PPP3CA: variants seen among roughly 807,000 people sequenced by gnomAD.
PPP3CA encodes the protein CAM-PRP catalytic subunit.
Under a neutral mutation model 66.5 loss-of-function variants are expected in PPP3CA, and 14 were observed. The ratio of observed to expected loss-of-function variants is 0.21; its 90% CI spans 0.14 to 0.33. The LOEUF is 0.33. PPP3CA is among the 10% of genes least tolerant of loss of function. The pLI is 1.00. For missense variants in PPP3CA, 317 were observed against 639.5 expected (o/e 0.50, Z 5.44); for synonymous variants, 232 against 226.2 (o/e 1.03, Z -0.23).
At chr4:101,323,009 A>T (rs927422110) in intron 1 of PPP3CA, among the ~76,000 whole-genome samples, 1 of 152,218 alleles carries the variant, frequency 6.6e-6, no homozygotes, top group African/African-American at 2.4e-5. Flanking sequence ...AACAGCATTA[A>T]AATAAGTAAA....
In PPP3CA at chr4:101,053,034, A is replaced by G. The variant is rs533243514; in HGVS notation, c.1156+8053T>C. Among the ~76,000 whole-genome samples the G allele has an allele frequency of 4.6e-5, 7 of 152,204 alleles. 1 individual carries two copies. In the Middle Eastern group the frequency reaches 0.01, roughly 222 times the overall value. On this transcript the variant is annotated intron_variant, in intron 10 of 13. Coordinates refer to ENST00000394854, the MANE Select transcript of PPP3CA (RefSeq NM_000944.5). ...TTAATTCTTATTCTACTTGACTCCA[A>G]GATCAATGAAGGCAGGGACCATATG...
At chr4:101,298,035 C>T (rs1030909344) in intron 1 of PPP3CA, among the ~76,000 whole-genome samples, 5 of 152,008 alleles carry the variant, frequency 3.3e-5, no homozygotes, top group South Asian at 2.1e-4. Context: ...AATTCTCACG[C>T]GGCTTTCTCA....
At chr4:101,112,161 C>T (rs1363100182) in intron 2 of PPP3CA, among the ~76,000 whole-genome samples, 1 of 151,938 alleles carries the variant, frequency 6.6e-6, no homozygotes, top group Non-Finnish European at 1.5e-5. Flanking sequence ...CACTAACATA[C>T]AACTGAAGCA....
chr4:101,028,020 C>A (rs1726749856), intron 13 of PPP3CA, among the ~76,000 whole-genome samples: 1 of 152,106 alleles, frequency 6.6e-6, no homozygotes, highest in African/African-American at 2.4e-5. Flanking sequence ...TAGAGAATTC[C>A]CACATAAATA....
chr4:101,319,409 T>G (rs910259695), intron 1 of PPP3CA, among the ~76,000 whole-genome samples: 2 of 152,140 alleles, frequency 1.3e-5, no homozygotes, highest in African/African-American at 2.4e-5. Context: ...CTTAAGCATA[T>G]GTTTAGGATT....
At chr4:101,261,468 T>C (rs544380208) in intron 1 of PPP3CA, among the ~76,000 whole-genome samples, 105 of 152,254 alleles carry the variant, frequency 6.9e-4, no homozygotes, top group African/African-American at 2.4e-3. Context: ...TGTAACATTA[T>C]TGCTGCATAA....
intron 1 of PPP3CA, among the ~76,000 whole-genome samples, chr4:101,230,553 AAAT>A (rs1374251974): frequency 6.6e-6 from 1 of 151,490 alleles, no homozygotes; most frequent in Non-Finnish European, 1.5e-5. Flanking sequence ...CAAACAAACT[AAAT>A]AAATAAATAA....
chr4:101,109,926 T>A (rs528391533), intron 2 of PPP3CA, among the ~76,000 whole-genome samples: 1 of 152,302 alleles, frequency 6.6e-6, no homozygotes, highest in East Asian at 1.9e-4. Flanking sequence ...ATCTCAGTTA[T>A]ACAGATAATG....
chr4:101,060,998 A>T (rs1038719353), intron 10 of PPP3CA, 89 bp downstream of exon 10: 1 of 1,121,762 alleles, frequency 8.9e-7, no homozygotes, highest in Non-Finnish European at 1.3e-6. Context: ...ACATAATCCA[A>T]ATCTTAGAAA....
At chr4:101,106,668 T>C (rs989392731) in intron 3 of PPP3CA, among the ~76,000 whole-genome samples, 5 of 152,118 alleles carry the variant, frequency 3.3e-5, no homozygotes, top group Non-Finnish European at 5.9e-5. Context: ...GCTCAAGGGA[T>C]ACAAGTTGAA....
intron 2 of PPP3CA, among the ~76,000 whole-genome samples, chr4:101,137,884 CAA>C (rs34286966): frequency 2.5e-5 from 3 of 121,104 alleles, no homozygotes; most frequent in Non-Finnish European, 1.9e-5. Flanking sequence ...TGTCAGTCCA[CAA>C]AAAAAAAAAA....
chr4:101,094,375 T>C lies in PPP3CA; in HGVS notation c.643-460A>G, dbSNP rs183123547. ...CTCTATTAAACTGTGATTTAGAAGT[T>C]TGGATGGAAAACAACTCCTAGTTTT... On this transcript the variant is annotated intron_variant, in intron 5 of 13. Transcript: ENST00000394854. Among the ~76,000 whole-genome samples, 31 of 152,336 alleles carry C rather than the reference T, an allele frequency of 2.0e-4. No individual in the cohort carries two copies. The East Asian group carries it at 5.4e-3, about 26-fold the overall frequency.
In PPP3CA at chr4:101,047,911, TAGAG is replaced by T. The variant is rs542379974; in HGVS notation, c.1157-7349_1157-7346del. Among the ~76,000 whole-genome samples the T allele has an allele frequency of 6.5e-3, 989 of 152,224 alleles. 7 individuals carry two copies. The highest frequency in any genetic ancestry group is 0.034 in the Middle Eastern group (10 of 294). ...TCAACTCTTTAGTTCCTAACTGAGA[TAGAG>T]AGCACTAACATATGATAATTATTCA... On this transcript the variant is annotated intron_variant, in intron 10 of 13. Coordinates refer to ENST00000394854, the MANE Select transcript of PPP3CA (RefSeq NM_000944.5).
At position 101,106,406 on chromosome 4, in the gene PPP3CA, AAAGAAAGAAAG is replaced by A. The variant is rs1560604808; in HGVS notation, c.384+2537_384+2547del. Among the ~76,000 whole-genome samples the A allele has an allele frequency of 4.2e-4, 4 of 9,442 alleles. 1 individual carries two copies. Among genetic ancestry groups the A allele is most frequent in the African/African-American group, 1.3e-3 (4 of 2,982 alleles). 6.2% of individuals were successfully genotyped at this position (9,442 alleles called of 152,430 possible). On this transcript the variant is annotated intron_variant, in intron 3 of 13. Transcript: ENST00000394854. ...GAAAGAAAGAAAGAAAGAAAGAAAG[AAAGAAAGAAAG>A]AAAGAAAGAAAGAAAGAAAGAAAGA...
At chr4:101,208,983 A>G (rs1725221973) in intron 1 of PPP3CA, among the ~76,000 whole-genome samples, 1 of 152,214 alleles carries the variant, frequency 6.6e-6, no homozygotes, top group Non-Finnish European at 1.5e-5. Context: ...ACATAAATGG[A>G]AACTATGTAA....
chr4:101,083,241 A>C lies in PPP3CA; in HGVS notation c.805T>G (p.Leu269Val). ...FYSYPAVCEF[L>V]QHNNLLSILR... is the part of the protein sequence containing the mutation. ...ATAGATAACAAGTTATTGTGCTGTA[A>C]GAATTCACATACAGCCGGGTAACTG... The change falls in exon 7 of 14, where the codon TTA (leucine) becomes GTA (valine). Residue 269 changes from leucine to valine, a missense_variant. This residue lies in a region of PPP3CA where 201 missense variants were observed against 501.4 expected (regional missense o/e 0.40). Coordinates refer to ENST00000394854, the MANE Select transcript of PPP3CA (RefSeq NM_000944.5). The C allele has an allele frequency of 1.2e-6, 2 of 1,609,658 alleles. No individual in the cohort carries two copies. The highest frequency in any genetic ancestry group is 1.7e-6 in the Non-Finnish European group (2 of 1,177,472).
chr4:101,335,871 A>T (rs1215160034), intron 1 of PPP3CA, among the ~76,000 whole-genome samples: 1 of 152,142 alleles, frequency 6.6e-6, no homozygotes, highest in African/African-American at 2.4e-5. Flanking sequence ...ACTCCAATAG[A>T]CTGACCTGGA....
At chr4:101,204,855 T>C (rs1441367140) in intron 1 of PPP3CA, among the ~76,000 whole-genome samples, 1 of 151,516 alleles carries the variant, frequency 6.6e-6, no homozygotes, top group African/African-American at 2.4e-5. Flanking sequence ...AAAATTTAAA[T>C]ATATAATTGA....
At chr4:101,124,733 AAGAAAG>A (rs1278434979) in intron 2 of PPP3CA, among the ~76,000 whole-genome samples, 4 of 69,190 alleles carry the variant, frequency 5.8e-5, no homozygotes, top group African/African-American at 2.4e-4. Context: ...AAGAGAAAGA[AAGAAAG>A]AAAGAAAGAA....
Sources: gnomAD v4.1 joint callset for allele counts (sites outside exome capture counted in the v4.1 genomes callset) on GRCh38, gnomAD v4.1.1 for gene constraint, gnomAD v4.1.1 regional missense constraint, MANE v1.5 for transcripts, NCBI Gene and HGNC (gene_info 2026-07-23, HGNC 2026-07-21) for gene names.